The following CLYBL variants were observed in gnomAD, a reference collection of about 807,000 sequenced individuals.
CLYBL encodes the protein citramalyl-CoA lyase, mitochondrial.
A neutral mutation model predicts 38.9 loss-of-function variants in CLYBL; 31 were observed. The observed-to-expected ratio is 0.80, with a 90% CI of 0.60 to 1.08. CLYBL has a LOEUF of 1.08. CLYBL is among the 50% of genes least tolerant of loss of function. CLYBL has a pLI of 0.00. For synonymous variants in CLYBL, 171 were observed against 158.6 expected, an observed-to-expected ratio of 1.08 and a Z score of -0.59; for missense variants, 434 against 411.6, an observed-to-expected ratio of 1.05 and a Z score of -0.47.
chr13:99,645,175 G>A (rs1776315613), intron 1 of CLYBL, among the ~76,000 whole-genome samples: 1 of 152,110 alleles, frequency 6.6e-6, no homozygotes, highest in Non-Finnish European at 1.5e-5. Flanking sequence ...ATCCTCGCTA[G>A]CATTTGTTAT....
chr13:99,682,364 G>A (rs919344455), intron 1 of CLYBL, among the ~76,000 whole-genome samples: 24 of 152,066 alleles, frequency 1.6e-4, no homozygotes, highest in African/African-American at 2.7e-4. Flanking sequence ...GGCTGGTTTC[G>A]AACTCCAGAC....
At chr13:99,884,371 G>A (rs1319864906) in intron 7 of CLYBL, among the ~76,000 whole-genome samples, 6 of 152,240 alleles carry the variant, frequency 3.9e-5, no homozygotes, top group African/African-American at 1.2e-4. Flanking sequence ...GCCCCAGAGA[G>A]AGCCATCATG....
chr13:99,813,167 G>GT (rs1158023423), intron 2 of CLYBL, among the ~76,000 whole-genome samples: 1 of 152,014 alleles, frequency 6.6e-6, no homozygotes, highest in African/African-American at 2.4e-5. Flanking sequence ...TGATACTGCC[G>GT]TATTTTTTTC....
At chr13:99,682,505 A>G (rs1471863483) in intron 1 of CLYBL, among the ~76,000 whole-genome samples, 1 of 152,156 alleles carries the variant, frequency 6.6e-6, no homozygotes, top group Non-Finnish European at 1.5e-5. Context: ...AAAATACTGC[A>G]TAAAAGATTT....
At chr13:99,763,940 T>C (rs1328302221) in intron 1 of CLYBL, among the ~76,000 whole-genome samples, 3 of 152,192 alleles carry the variant, frequency 2.0e-5, no homozygotes, top group Non-Finnish European at 1.5e-5. Flanking sequence ...TTCATCATCT[T>C]AGTTTTCCTT....
intron 2 of CLYBL, among the ~76,000 whole-genome samples, chr13:99,819,418 A>ATT (rs1295865367): frequency 0.011 from 69 of 6,232 alleles, no homozygotes; most frequent in African/African-American, 0.081. Flanking sequence ...GAAAAAATTT[A>ATT]TATATATATA....
At chr13:99,672,611 CAAA>C (rs74323182) in intron 1 of CLYBL, among the ~76,000 whole-genome samples, 1 of 135,258 alleles carries the variant, frequency 7.4e-6, no homozygotes. Context: ...CCATCTCTAC[CAAA>C]AAAAAAAAAA....
At chr13:99,758,814 C>T (rs2049113123) in intron 1 of CLYBL, among the ~76,000 whole-genome samples, 1 of 152,224 alleles carries the variant, frequency 6.6e-6, no homozygotes, top group Non-Finnish European at 1.5e-5. Flanking sequence ...AGAGCTTGCT[C>T]AGTGCTGGCC....
chr13:99,633,348 T>G lies in CLYBL; in HGVS notation c.62+26591T>G, dbSNP rs561836005. Among the ~76,000 whole-genome samples the G allele has an allele frequency of 1.3e-4, 19 of 151,832 alleles. No homozygotes were observed. In the South Asian group the frequency reaches 3.8e-3, roughly 30 times the overall value. ...TGAGGTCAGGAGTTTGATACCAGCC[T>G]GGGCAACATGGCAAAACCCCGTCTC... On this transcript the variant is annotated intron_variant, in intron 1 of 8. Coordinates refer to ENST00000339105, the MANE Select transcript of CLYBL (RefSeq NM_206808.5).
chr13:99,678,724 T>G (rs981469389), intron 1 of CLYBL, among the ~76,000 whole-genome samples: 1 of 152,176 alleles, frequency 6.6e-6, no homozygotes, highest in Non-Finnish European at 1.5e-5. Context: ...GAGACTTACA[T>G]TGTGGGTTTG....
At chr13:99,876,630 C>G (rs573297004) in intron 7 of CLYBL, among the ~76,000 whole-genome samples, 4 of 152,152 alleles carry the variant, frequency 2.6e-5, no homozygotes, top group Non-Finnish European at 5.9e-5. Context: ...TCTCAGAAAT[C>G]TTTTAGTCAG....
chr13:99,841,811 C>CTTTT (rs1491331797), intron 2 of CLYBL, among the ~76,000 whole-genome samples: 22 of 124,762 alleles, frequency 1.8e-4, no homozygotes, highest in Non-Finnish European at 2.4e-4. Context: ...CTTTTCTTTT[C>CTTTT]CTTTTTTTTT....
At chr13:99,740,963 A>AT (rs1226821869) in intron 1 of CLYBL, among the ~76,000 whole-genome samples, 14 of 152,164 alleles carry the variant, frequency 9.2e-5, no homozygotes, top group African/African-American at 3.1e-4. Flanking sequence ...AAGAAATATG[A>AT]TATTTATAAA....
chr13:99,712,532 G>A (rs1347706189), intron 1 of CLYBL, among the ~76,000 whole-genome samples: 2 of 151,244 alleles, frequency 1.3e-5, no homozygotes, highest in African/African-American at 2.4e-5. Flanking sequence ...TTTTTTGGTA[G>A]AGACAGAGTT....
chr13:99,819,442 ATATATATATATATATATATATATAT>A (rs1566340150), intron 2 of CLYBL, among the ~76,000 whole-genome samples: 10 of 87,776 alleles, frequency 1.1e-4, no homozygotes, highest in Non-Finnish European at 1.4e-4. Flanking sequence ...ATATATATAT[ATATATATATATATATATATATATAT>A]AATATTTGTC....
chr13:99,893,999 G>C (rs1158750554), downstream of CLYBL: 1 of 152,032 alleles, frequency 6.6e-6, no homozygotes, highest in African/African-American at 2.4e-5. Context: ...ATTAGGGTAG[G>C]ATCATGAGAC....
At chr13:99,833,028 A>ATTTTTTTT (rs1566345781) in intron 2 of CLYBL, among the ~76,000 whole-genome samples, 1 of 36,080 alleles carries the variant, frequency 2.8e-5, no homozygotes. Flanking sequence ...ATATATATAT[A>ATTTTTTTT]TATTTTTTTT....
intron 1 of CLYBL, among the ~76,000 whole-genome samples, chr13:99,733,305 A>G (rs1023548805): frequency 3.9e-5 from 6 of 152,216 alleles, no homozygotes; most frequent in African/African-American, 1.4e-4. Flanking sequence ...TTACTAGGAA[A>G]TTGACTCTAC....
chr13:99,757,005 T>G (rs1029478436), intron 1 of CLYBL, among the ~76,000 whole-genome samples: 2 of 152,052 alleles, frequency 1.3e-5, no homozygotes, highest in Non-Finnish European at 2.9e-5. Context: ...CAGGCGGTCC[T>G]CTCACCTCAG....
Sources: gnomAD v4.1 joint callset for allele counts (sites outside exome capture counted in the v4.1 genomes callset) on GRCh38, gnomAD v4.1.1 for gene constraint, MANE v1.5 for transcripts, NCBI Gene and HGNC (gene_info 2026-07-23, HGNC 2026-07-21) for gene names.